Variants in DZANK1 observed in about 807,000 individuals in gnomAD.
DZANK1 encodes the protein double zinc ribbon and ankyrin repeat domains 1.
Under a neutral mutation model 94.5 loss-of-function variants are expected in DZANK1, and 91 were observed. The observed-to-expected ratio is 0.96, with a 90% CI of 0.81 to 1.15. The LOEUF is 1.15. DZANK1 is among the 50% of genes most tolerant of loss of function. The pLI is 0.00. For synonymous variants in DZANK1, 312 were observed against 325.3 expected (o/e 0.96, Z 0.44); for missense variants, 903 against 916.4 (o/e 0.99, Z 0.19).
At chr20:18,457,928 G>A (rs978028148) in intron 3 of DZANK1, among the ~76,000 whole-genome samples, 2 of 152,178 alleles carry the variant, frequency 1.3e-5, no homozygotes, top group African/African-American at 4.8e-5. Context: ...CACGCTTGGC[G>A]AATTTATTTG....
chr20:18,391,617 G>A (rs926432174), intron 17 of DZANK1, among the ~76,000 whole-genome samples: 2 of 152,188 alleles, frequency 1.3e-5, no homozygotes, highest in African/African-American at 2.4e-5. Context: ...ACTGAAGGAA[G>A]CTGTTTAGAA....
intron 13 of DZANK1, among the ~76,000 whole-genome samples, chr20:18,406,792 T>C (rs1407909637): frequency 6.6e-6 from 1 of 152,204 alleles, no homozygotes; most frequent in Non-Finnish European, 1.5e-5. Flanking sequence ...TTTCTGGATC[T>C]GCTCTGGGCC....
intron 13 of DZANK1, among the ~76,000 whole-genome samples, chr20:18,400,167 G>A (rs1047588727): frequency 3.9e-5 from 6 of 152,190 alleles, no homozygotes; most frequent in Admixed American, 2.6e-4. Flanking sequence ...TCCCCTGAAA[G>A]CAGAACCTGA....
At chr20:18,466,154 A>C (rs1384639265) in intron 1 of DZANK1, among the ~76,000 whole-genome samples, 1 of 152,244 alleles carries the variant, frequency 6.6e-6, no homozygotes, top group Non-Finnish European at 1.5e-5. Flanking sequence ...ACAACCATTT[A>C]CATCTCTGTA....
chr20:18,427,625 G>C (rs1302380624), intron 9 of DZANK1, among the ~76,000 whole-genome samples: 3 of 152,050 alleles, frequency 2.0e-5, no homozygotes, highest in Non-Finnish European at 4.4e-5. Context: ...GTGTGTGTGT[G>C]TGTGTGTGTG....
chr20:18,392,530 C>T (rs2056072721), intron 17 of DZANK1, among the ~76,000 whole-genome samples: 1 of 152,234 alleles, frequency 6.6e-6, no homozygotes, highest in Non-Finnish European at 1.5e-5. Flanking sequence ...GGGCCCAGGC[C>T]TTGGGACTTG....
At chr20:18,402,599 A>C (rs892973642) in intron 13 of DZANK1, among the ~76,000 whole-genome samples, 19 of 152,112 alleles carry the variant, frequency 1.2e-4, no homozygotes, top group African/African-American at 4.6e-4. Context: ...CCAATGTATA[A>C]GCCCCACATT....
intron 8 of DZANK1, 68 bp from the exon 9 acceptor site, chr20:18,433,833 T>A (rs573540044): frequency 1.0e-5 from 14 of 1,390,156 alleles, no homozygotes; most frequent in Middle Eastern, 3.5e-4. Context: ...TCTTAGAATG[T>A]AAGGTTTGGT....
At chr20:18,437,606 A>G (rs1299868099) in intron 8 of DZANK1, among the ~76,000 whole-genome samples, 1 of 151,990 alleles carries the variant, frequency 6.6e-6, no homozygotes, top group Non-Finnish European at 1.5e-5. Flanking sequence ...AAAAGAAAAG[A>G]AAAGAAAAAG....
At chr20:18,390,782 C>G (rs964223464) in intron 17 of DZANK1, among the ~76,000 whole-genome samples, 1 of 152,210 alleles carries the variant, frequency 6.6e-6, no homozygotes, top group Non-Finnish European at 1.5e-5. Flanking sequence ...GAAAAGCAAT[C>G]AGGTGAATCC....
chr20:18,457,481 A>C (rs2059329453), intron 3 of DZANK1, among the ~76,000 whole-genome samples: 1 of 152,202 alleles, frequency 6.6e-6, no homozygotes. Flanking sequence ...TGTCTCAAAA[A>C]ACAAATGAAC....
chr20:18,389,627 G>C (rs545726765), intron 19 of DZANK1, 74 bp downstream of exon 19: 3 of 1,580,390 alleles, frequency 1.9e-6, no homozygotes, highest in Non-Finnish European at 2.6e-6. Flanking sequence ...TGTGTAGACC[G>C]CTTCTGCTGC....
chr20:18,417,945 G>A (rs2057572025), intron 10 of DZANK1, among the ~76,000 whole-genome samples: 1 of 152,096 alleles, frequency 6.6e-6, no homozygotes, highest in South Asian at 2.1e-4. Flanking sequence ...CATTAGCCGG[G>A]CGTGGTGGCA....
exon 6 of DZANK1, chr20:18,452,677 G>T (rs1015308544): frequency 6.2e-7 from 1 of 1,607,934 alleles, no homozygotes; most frequent in African/African-American, 1.3e-5. Context: ...ATTTCCAATG[G>T]ACTCTCTGAA....
chr20:18,453,869 C>G (rs763709111), intron 4 of DZANK1, 42 bp from the exon 5 acceptor site: 2 of 1,195,494 alleles, frequency 1.7e-6, no homozygotes, highest in Non-Finnish European at 2.5e-6. Flanking sequence ...TGGTTATTCC[C>G]ATGTGAGAAT....
intron 17 of DZANK1, 93 bp from the exon 18 acceptor site, chr20:18,390,552 G>T: frequency 8.0e-7 from 1 of 1,243,092 alleles, no homozygotes; most frequent in Non-Finnish European, 1.2e-6. Context: ...TAAGTCACAA[G>T]GACAGGTGAC....
At chr20:18,465,406 A>ATTTGCACTTATAGC in intron 1 of DZANK1, 29 bp from the exon 2 acceptor site, 3 of 1,011,736 alleles carry the variant, frequency 3.0e-6, no homozygotes, top group Non-Finnish European at 4.1e-6. Context: ...ATAAATTCCA[A>ATTTGCACTTATAGC]TGTACACAAA....
intron 7 of DZANK1, among the ~76,000 whole-genome samples, chr20:18,445,139 T>C (rs1266215011): frequency 6.6e-6 from 1 of 151,988 alleles, no homozygotes; most frequent in Non-Finnish European, 1.5e-5. Context: ...CATAAATAGA[T>C]TCAATAAAGG....
At chr20:18,459,526 A>AT (rs775258499) in intron 3 of DZANK1, among the ~76,000 whole-genome samples, 28 of 152,024 alleles carry the variant, frequency 1.8e-4, no homozygotes, top group Non-Finnish European at 2.9e-4. Context: ...AATAATTCCT[A>AT]TATCACAGCC....
Sources: gnomAD v4.1 joint callset for allele counts (sites outside exome capture counted in the v4.1 genomes callset) on GRCh38, gnomAD v4.1.1 for gene constraint, MANE v1.5 for transcripts, NCBI Gene and HGNC (gene_info 2026-07-23, HGNC 2026-07-21) for gene names.